Variants in RNGTT observed in about 807,000 individuals in gnomAD.
RNGTT encodes the protein RNA guanylyltransferase and 5'-phosphatase.
In RNGTT, 33 loss-of-function variants were observed where a neutral mutation model predicts 79.3. The observed-to-expected ratio is 0.42, with a 90% confidence interval of 0.32 to 0.56. The LOEUF (loss-of-function observed/expected upper bound fraction) is 0.56, where lower values mean the gene tolerates loss of function less well. Ranked by LOEUF, RNGTT falls within the 20% of genes least tolerant of loss-of-function variation. The pLI is 0.17. For synonymous variants in RNGTT, 222 were observed against 235.9 expected (o/e 0.94, Z 0.54); for missense variants, 497 against 739.1 (o/e 0.67, Z 3.80).
chr6:88,843,149 CA>C (rs34225763), intron 11 of RNGTT, among the ~76,000 whole-genome samples: 10,014 of 129,252 alleles, frequency 0.077, 760 homozygotes, highest in African/African-American at 0.21. Flanking sequence ...GCCTACAGAT[CA>C]AAAAAAAAAA....
chr6:88,710,681 T>C (rs747337575), intron 13 of RNGTT, among the ~76,000 whole-genome samples: 3 of 152,228 alleles, frequency 2.0e-5, no homozygotes, highest in African/African-American at 4.8e-5. Flanking sequence ...CACAGTACTT[T>C]GTACTATCCT....
intron 14 of RNGTT, among the ~76,000 whole-genome samples, chr6:88,660,560 A>G (rs979551523): frequency 1.3e-5 from 2 of 152,118 alleles, no homozygotes; most frequent in Non-Finnish European, 2.9e-5. Flanking sequence ...AAAAAAAAAG[A>G]AAGAAAAGGA....
chr6:88,709,258 T>C (rs577404475), intron 13 of RNGTT, among the ~76,000 whole-genome samples: 2 of 151,992 alleles, frequency 1.3e-5, no homozygotes, highest in Admixed American at 6.6e-5. Flanking sequence ...TGAGCCAAGA[T>C]TGCACCACTG....
intron 14 of RNGTT, among the ~76,000 whole-genome samples, chr6:88,673,022 T>C (rs1321129926): frequency 1.3e-5 from 2 of 152,234 alleles, no homozygotes; most frequent in African/African-American, 2.4e-5. Context: ...ATATCTATTA[T>C]CTTTTTGTGT....
chr6:88,899,014 T>C (rs1399538377), intron 6 of RNGTT, among the ~76,000 whole-genome samples: 1 of 151,904 alleles, frequency 6.6e-6, no homozygotes, highest in Non-Finnish European at 1.5e-5. Flanking sequence ...TCAAACTTTC[T>C]TTAATAAACT....
At chr6:88,865,319 A>G (rs140229146) in intron 8 of RNGTT, among the ~76,000 whole-genome samples, 1 of 152,162 alleles carries the variant, frequency 6.6e-6, no homozygotes, top group African/African-American at 2.4e-5. Context: ...ACTTTACACA[A>G]TCCAAAGAAG....
chr6:88,620,889 T>C (rs1469868729), intron 14 of RNGTT, among the ~76,000 whole-genome samples: 1 of 152,208 alleles, frequency 6.6e-6, no homozygotes, highest in Non-Finnish European at 1.5e-5. Flanking sequence ...GGCAGTTATT[T>C]TGATTAAAAC....
chr6:88,691,001 T>C (rs913433648), intron 13 of RNGTT, among the ~76,000 whole-genome samples: 1 of 152,162 alleles, frequency 6.6e-6, no homozygotes, highest in African/African-American at 2.4e-5. Context: ...TGAATGAATT[T>C]CAAAATCCTA....
intron 13 of RNGTT, among the ~76,000 whole-genome samples, chr6:88,743,657 C>A (rs1777567454): frequency 6.6e-6 from 1 of 152,132 alleles, no homozygotes; most frequent in Admixed American, 6.5e-5. Context: ...AATTTCCTAT[C>A]TTTTTAAGGT....
At chr6:88,760,158 A>C (rs1778162017) in intron 13 of RNGTT, among the ~76,000 whole-genome samples, 1 of 152,254 alleles carries the variant, frequency 6.6e-6, no homozygotes, top group African/African-American at 2.4e-5. Context: ...CAGTGAGGTC[A>C]TAAGTAGATG....
chr6:88,913,214 C>CAAACA (rs1371718365), intron 4 of RNGTT, among the ~76,000 whole-genome samples: 2 of 65,544 alleles, frequency 3.1e-5, no homozygotes, highest in East Asian at 9.7e-4. Flanking sequence ...CAAAAAAAAA[C>CAAACA]AAAAAAAAAA....
intron 13 of RNGTT, among the ~76,000 whole-genome samples, chr6:88,763,299 T>A (rs979734515): frequency 3.9e-5 from 6 of 151,938 alleles, no homozygotes; most frequent in African/African-American, 1.5e-4. Context: ...ATATTTGGGG[T>A]TGTTTCCACC....
intron 13 of RNGTT, among the ~76,000 whole-genome samples, chr6:88,749,759 T>C (rs1777781816): frequency 6.6e-6 from 1 of 152,140 alleles, no homozygotes; most frequent in South Asian, 2.1e-4. Flanking sequence ...AAAACTTTCA[T>C]AGCAAACCAC....
chr6:88,648,471 T>TAATAATA (rs1562169834), intron 14 of RNGTT, among the ~76,000 whole-genome samples: 2 of 147,018 alleles, frequency 1.4e-5, no homozygotes, highest in African/African-American at 5.1e-5. Context: ...CTTAAAGTAT[T>TAATAATA]ATAATAATAA....
chr6:88,651,728 C>T (rs1332824140), intron 14 of RNGTT, among the ~76,000 whole-genome samples: 2 of 147,332 alleles, frequency 1.4e-5, no homozygotes, highest in Non-Finnish European at 3.0e-5. Flanking sequence ...TATTCATTTC[C>T]CTATGTTTCA....
chr6:88,670,580 T>C (rs1422732949), intron 14 of RNGTT, among the ~76,000 whole-genome samples: 1 of 152,068 alleles, frequency 6.6e-6, no homozygotes, highest in Non-Finnish European at 1.5e-5. Context: ...AGAAGTGAGA[T>C]CAATGGCCAG....
At chr6:88,618,149 G>C (rs1326544630) in intron 14 of RNGTT, among the ~76,000 whole-genome samples, 3 of 151,904 alleles carry the variant, frequency 2.0e-5, no homozygotes, top group Admixed American at 1.3e-4. Context: ...TATCTCCTTG[G>C]CCACTAAAAA....
chr6:88,645,071 T>C (rs1442565872), intron 14 of RNGTT, among the ~76,000 whole-genome samples: 2 of 152,196 alleles, frequency 1.3e-5, no homozygotes, highest in African/African-American at 4.8e-5. Flanking sequence ...TTGTCCCTGT[T>C]TGCAGATGAC....
chr6:88,842,860 C>A (rs747639203), intron 11 of RNGTT, among the ~76,000 whole-genome samples: 1 of 151,842 alleles, frequency 6.6e-6, no homozygotes, highest in African/African-American at 2.4e-5. Context: ...TCACTTGAGC[C>A]CAGGAGTTGG....
Sources: gnomAD v4.1 joint callset for allele counts (sites outside exome capture counted in the v4.1 genomes callset) on GRCh38, gnomAD v4.1.1 for gene constraint, MANE v1.5 for transcripts, NCBI Gene and HGNC (gene_info 2026-07-23, HGNC 2026-07-21) for gene names.